Variants in AGTPBP1 observed in about 807,000 individuals in gnomAD.
The protein encoded by AGTPBP1 is cytosolic carboxypeptidase 1.
Under a neutral mutation model 143.9 loss-of-function variants are expected in AGTPBP1, and 70 were observed. The observed-to-expected ratio is 0.49, with a 90% CI of 0.40 to 0.59. AGTPBP1 has a LOEUF of 0.59. Among genes scored for constraint, AGTPBP1 ranks in the 20% least tolerant of loss-of-function variants. AGTPBP1 has a pLI of 0.00. For missense variants in AGTPBP1, 1,229 were observed against 1,464.5 expected (o/e 0.84, Z 2.62); for synonymous variants, 463 against 500.2 (o/e 0.93, Z 0.99).
chr9:85,801,962 T>C, the AGTPBP1 span, among the ~76,000 whole-genome samples: 339 of 151,516 alleles, frequency 2.2e-3, no homozygotes, highest in African/African-American at 2.9e-3. Context: ...GTATGTATAA[T>C]AGATATATAT....
intron 21 of AGTPBP1, 73 bp downstream of exon 21, chr9:85,588,225 T>C (rs1445640798): frequency 1.6e-6 from 2 of 1,263,898 alleles, no homozygotes; most frequent in East Asian, 2.7e-5. Context: ...ACCTGGACAT[T>C]GTTATTTCAA....
chr9:85,631,006 T>G (rs552888354), intron 14 of AGTPBP1, among the ~76,000 whole-genome samples: 2 of 152,182 alleles, frequency 1.3e-5, no homozygotes, highest in South Asian at 4.1e-4. Context: ...AGTCAACCCA[T>G]TGCCACTGTG....
intron 3 of AGTPBP1, among the ~76,000 whole-genome samples, chr9:85,686,290 T>C (rs970944534): frequency 2.0e-5 from 3 of 151,968 alleles, no homozygotes; most frequent in African/African-American, 7.2e-5. Flanking sequence ...ACAGCAACCG[T>C]AGGAAAGCTT....
Position 85,572,004 on chromosome 9 carries a change from G to GTT in AGTPBP1, c.3503+3309_3503+3310dup, listed in dbSNP as rs55882437. Among the ~76,000 whole-genome samples the GTT allele has an allele frequency of 1.4e-3, 62 of 43,482 alleles. 6 individuals carry two copies. The highest frequency in any genetic ancestry group is 1.9e-3 in the Non-Finnish European group (38 of 19,978). 28.5% of individuals were successfully genotyped at this position (43,482 alleles called of 152,430 possible). ...TGGCCATTATTAGTTGTTTGTGTGT[G>GTT]TTTTTTTTTTTTTTTTTTTTTTTTT... On this transcript the variant is annotated intron_variant, in intron 25 of 25. Transcript: ENST00000357081.
At chr9:85,682,671 A>C (rs1245278929) in intron 3 of AGTPBP1, among the ~76,000 whole-genome samples, 8 of 152,212 alleles carry the variant, frequency 5.3e-5, no homozygotes, top group Non-Finnish European at 1.2e-4. Flanking sequence ...GACTGATACC[A>C]AATTCAATGT....
At chr9:85,650,467 AT>A (rs1006782450) in intron 11 of AGTPBP1, among the ~76,000 whole-genome samples, 2 of 152,046 alleles carry the variant, frequency 1.3e-5, no homozygotes, top group African/African-American at 4.8e-5. Flanking sequence ...TTCAAATAAC[AT>A]TTTCTTTTGT....
chr9:85,696,531 A>G (rs1396021930), intron 2 of AGTPBP1, among the ~76,000 whole-genome samples: 1 of 151,856 alleles, frequency 6.6e-6, no homozygotes, highest in African/African-American at 2.4e-5. Context: ...AGCCAGGTGT[A>G]GTGGCGCACA....
chr9:85,694,048 G>A lies in AGTPBP1; in HGVS notation c.33-1235C>T, dbSNP rs974384213. Among the ~76,000 whole-genome samples the A allele has an allele frequency of 2.0e-5, 3 of 148,928 alleles. No homozygotes were observed. In the South Asian group the frequency reaches 6.4e-4, roughly 32 times the overall value. ...AGTGAGGAACAAGGTCAGAGTTGGG[G>A]GTAGGCATGGGAGAGAACAGAGAAA... On this transcript the variant is annotated intron_variant, in intron 2 of 25. Coordinates refer to ENST00000357081, the MANE Select transcript of AGTPBP1 (RefSeq NM_001330701.2).
chr9:85,756,173 G>A, the AGTPBP1 span: 6 of 1,612,762 alleles, frequency 3.7e-6, no homozygotes, highest in Non-Finnish European at 5.1e-6. Context: ...AAAGAAACGG[G>A]AGGCCATAGT....
At position 85,633,055 on chromosome 9, in the gene AGTPBP1, T is replaced by G. The variant is rs1831787824; in HGVS notation, c.1622A>C (p.Asn541Thr). The G allele has an allele frequency of 1.9e-6, 3 of 1,614,190 alleles. No homozygotes were observed. The East Asian group carries it at 6.7e-5, about 36-fold the overall frequency. Residue 541 changes from asparagine to threonine, a missense_variant, in exon 14 of 26, where the codon AAT (asparagine) becomes ACT (threonine). By Grantham distance (65) the Asn-to-Thr change is moderately conservative (BLOSUM62 0). Coordinates refer to ENST00000357081, the MANE Select transcript of AGTPBP1 (RefSeq NM_001330701.2). ...ACCTGGGGCTGTTTGAGAAGGAATA[T>G]TCTGCAATGTAATTCGGTCCAAGGC... ...VKALDRITLQ[N>T]IPSQTAPGFT...
chr9:85,672,517 A>G (rs1348669085), intron 7 of AGTPBP1, 33 bp downstream of exon 7: 2 of 1,598,616 alleles, frequency 1.3e-6, no homozygotes, highest in Admixed American at 1.8e-5. Flanking sequence ...ACTTTACAAC[A>G]CTGAGTTAAC....
chr9:85,617,971 G>A (rs185222465), intron 17 of AGTPBP1, among the ~76,000 whole-genome samples: 60 of 152,160 alleles, frequency 3.9e-4, no homozygotes, highest in African/African-American at 1.4e-3. Flanking sequence ...TGGGCGCACT[G>A]GCTCACACCT....
At chr9:85,591,564 C>T (rs4477112) in intron 19 of AGTPBP1, among the ~76,000 whole-genome samples, 1 of 151,826 alleles carries the variant, frequency 6.6e-6, no homozygotes, top group Admixed American at 6.6e-5. Context: ...AAAAATAGTG[C>T]AAATATATAT....
At chr9:85,648,156 C>G (rs995115502) in intron 11 of AGTPBP1, among the ~76,000 whole-genome samples, 1 of 152,254 alleles carries the variant, frequency 6.6e-6, no homozygotes, top group East Asian at 1.9e-4. Context: ...TCTTTGTCTT[C>G]GTTTCTTTGT....
At position 85,547,030 on chromosome 9, in the gene AGTPBP1, A is replaced by G. The variant is rs1446042405; in HGVS notation, c.*79T>C. 1 of 1,460,876 alleles carries G rather than the reference A, an allele frequency of 6.8e-7. No homozygotes were observed. Among genetic ancestry groups the G allele is most frequent in the Middle Eastern group, 1.8e-4 (1 of 5,418 alleles). The allele number at this position is 1,460,876 out of a possible 1,614,324, so 90.5% of individuals were successfully genotyped here. On this transcript the variant is annotated 3_prime_UTR_variant, in exon 26 of 26. Coordinates refer to ENST00000357081, the MANE Select transcript of AGTPBP1 (RefSeq NM_001330701.2). ...TTTTGAGTCAGCTCTGTATAAACTC[A>G]TTTCTCTCAAGCTTCCTGGGAAATA...
intron 17 of AGTPBP1, among the ~76,000 whole-genome samples, chr9:85,604,018 T>C (rs564636274): frequency 6.6e-6 from 1 of 152,310 alleles, no homozygotes; most frequent in South Asian, 2.1e-4. Context: ...AGGCCCTGAA[T>C]GCTGTACAGC....
rs1326243493 is a variant in AGTPBP1, at chr9:85,724,885, GA to G, written c.-33-12320del. Among the ~76,000 whole-genome samples, 11 of 151,930 alleles carry G rather than the reference GA, an allele frequency of 7.2e-5. No individual in the cohort carries two copies. The East Asian group carries it at 1.9e-3, about 27-fold the overall frequency. On this transcript the variant is annotated intron_variant, in intron 1 of 25. Transcript: ENST00000357081. ...AATGAATGCTTTTAAGTTTTCTTTT[GA>G]AAAAAAATTTTACTACACAAACAAG...
At chr9:85,754,086 C>G in the AGTPBP1 span, among the ~76,000 whole-genome samples, 1 of 152,116 alleles carries the variant, frequency 6.6e-6, no homozygotes, top group African/African-American at 2.4e-5. Flanking sequence ...TCAGCAGAAT[C>G]AATATATTCT....
the AGTPBP1 span, among the ~76,000 whole-genome samples, chr9:85,794,754 T>A: frequency 6.6e-6 from 1 of 152,218 alleles, no homozygotes; most frequent in Non-Finnish European, 1.5e-5. Flanking sequence ...ATCTTAGCAA[T>A]ATTCAGTCTT....
Sources: gnomAD v4.1 joint callset for allele counts (sites outside exome capture counted in the v4.1 genomes callset) on GRCh38, gnomAD v4.1.1 for gene constraint, MANE v1.5 for transcripts, NCBI Gene and HGNC (gene_info 2026-07-23, HGNC 2026-07-21) for gene names.